The following TPRG1 variants were observed in gnomAD, a reference collection of about 807,000 sequenced individuals.
The protein encoded by TPRG1 is tumor protein p63 regulated 1, also known as tumor protein p63-regulated gene 1 protein.
A neutral mutation model predicts 29.3 loss-of-function variants in TPRG1; 29 were observed. The observed-to-expected ratio is 0.99, with a 90% CI of 0.74 to 1.35. TPRG1 has a LOEUF of 1.35. Ranked by LOEUF, TPRG1 falls within the 40% of genes most tolerant of loss-of-function variation. The pLI is 0.00. For missense variants in TPRG1, 327 were observed against 335.0 expected (o/e 0.98, Z 0.19); for synonymous variants, 130 against 116.8 (o/e 1.11, Z -0.73).
chr3:189,098,741 TTC>T (rs1718861339), upstream of TPRG1, among the ~76,000 whole-genome samples: 1 of 152,186 alleles, frequency 6.6e-6, no homozygotes, highest in Non-Finnish European at 1.5e-5. Flanking sequence ...CGCATTCTGA[TTC>T]TAAACTAATT....
At chr3:189,129,488 C>G (rs115401517) in intron 2 of TPRG1, among the ~76,000 whole-genome samples, 1 of 152,108 alleles carries the variant, frequency 6.6e-6, no homozygotes, top group Non-Finnish European at 1.5e-5. Flanking sequence ...GCTGTTTCCC[C>G]CTTTGTTATT....
intron 4 of TPRG1, among the ~76,000 whole-genome samples, chr3:189,091,591 G>A (rs370813886): frequency 6.4e-4 from 98 of 152,082 alleles, no homozygotes; most frequent in Middle Eastern, 3.4e-3. Context: ...GCAGTCTTTC[G>A]TAACATATAT....
chr3:189,267,416 A>T (rs751258666), intron 4 of TPRG1, among the ~76,000 whole-genome samples: 4 of 152,252 alleles, frequency 2.6e-5, no homozygotes, highest in Non-Finnish European at 5.9e-5. Flanking sequence ...GGGTAAATAT[A>T]TAGAAAACTA....
At chr3:189,177,531 C>T (rs1560517119) in intron 1 of TPRG1, among the ~76,000 whole-genome samples, 1 of 150,190 alleles carries the variant, frequency 6.7e-6, no homozygotes, top group African/African-American at 2.5e-5. Context: ...TATGTATATA[C>T]ATATATATAT....
exon 4 of TPRG1, chr3:189,023,830 G>T (rs990174595): frequency 1.3e-5 from 2 of 152,428 alleles, no homozygotes; most frequent in Non-Finnish European, 2.9e-5. Flanking sequence ...ACCAGTGAAA[G>T]CTCTGAAACA....
chr3:189,058,383 A>G (rs1007112095), intron 4 of TPRG1, among the ~76,000 whole-genome samples: 2 of 152,198 alleles, frequency 1.3e-5, no homozygotes, highest in Non-Finnish European at 2.9e-5. Flanking sequence ...GAAAGTCTCC[A>G]CAATTGTAGT....
At chr3:189,138,695 C>T (rs1340489985) in intron 3 of TPRG1, among the ~76,000 whole-genome samples, 6 of 152,212 alleles carry the variant, frequency 3.9e-5, no homozygotes. Flanking sequence ...CCACACTCAA[C>T]TGCAAGGGGT....
chr3:189,284,531 A>T (rs1173222372), intron 4 of TPRG1, among the ~76,000 whole-genome samples: 1 of 152,058 alleles, frequency 6.6e-6, no homozygotes, highest in Non-Finnish European at 1.5e-5. Context: ...AAAGGACGTG[A>T]ACTCATCATT....
At chr3:189,248,311 T>C (rs1741655898) in intron 4 of TPRG1, among the ~76,000 whole-genome samples, 1 of 151,868 alleles carries the variant, frequency 6.6e-6, no homozygotes, top group Non-Finnish European at 1.5e-5. Flanking sequence ...AAAGAGGTAA[T>C]TAAAGTAATA....
chr3:189,022,492 T>C (rs943294905), intron 3 of TPRG1, among the ~76,000 whole-genome samples: 1 of 151,484 alleles, frequency 6.6e-6, no homozygotes, highest in African/African-American at 2.4e-5. Flanking sequence ...TACCCTGCAG[T>C]GTGAGGTGTC....
rs981385916 is a variant in TPRG1, at chr3:189,322,983, C to T, written c.*2163C>T. ...AAAAACTGTCATATATAGGCTATCC[C>T]CTTAATTGATAAATGGGATCTAGAA... is the stretch of plus-strand genomic sequence containing the variant. On this transcript the variant is annotated 3_prime_UTR_variant, in exon 6 of 6. Transcript: ENST00000345063. The T allele has an allele frequency of 3.3e-5, 5 of 151,966 alleles. No individual in the cohort carries two copies. In the East Asian group the frequency reaches 9.7e-4, roughly 29 times the overall value. The allele number at this position is 151,966 out of a possible 1,614,324, so 9.4% of individuals were successfully genotyped here. A position where few individuals can be genotyped will look rare whatever the true frequency, so the allele number is the denominator to read the frequency against.
intron 4 of TPRG1, among the ~76,000 whole-genome samples, chr3:189,245,119 T>C (rs1042424423): frequency 6.6e-6 from 1 of 152,004 alleles, no homozygotes; most frequent in Non-Finnish European, 1.5e-5. Context: ...ATGGAGTTTC[T>C]CCATGTTGGT....
rs73184434 is a variant in TPRG1 at position 189,174,168 on chromosome 3, G to A, written c.-10+2037G>A. ...TTAATCTAATGGCAGCGTCAAGTCC[G>A]AGAATTCATTTACTCCAGAGCTTGC... On this transcript the variant is annotated intron_variant, in intron 1 of 5. Coordinates refer to ENST00000345063, the MANE Select transcript of TPRG1 (RefSeq NM_198485.4). 5.2e-3 allele frequency among the ~76,000 whole-genome samples: 797 copies of A among 152,308 alleles called. 2 individuals carry two copies. Among genetic ancestry groups the A allele is most frequent in the Non-Finnish European group, 9.1e-3 (617 of 68,032 alleles).
chr3:189,053,600 G>A (rs1715470865), intron 4 of TPRG1, among the ~76,000 whole-genome samples: 1 of 152,076 alleles, frequency 6.6e-6, no homozygotes, highest in Admixed American at 6.6e-5. Flanking sequence ...TTTCCCATAT[G>A]TGGTTACATT....
intron 4 of TPRG1, among the ~76,000 whole-genome samples, chr3:189,070,753 G>A (rs577960139): frequency 9.9e-5 from 15 of 152,232 alleles, no homozygotes; most frequent in South Asian, 2.1e-4. Context: ...TTACATTATT[G>A]AAAAGGAGAT....
At chr3:189,041,502 A>C (rs1294009853) in intron 4 of TPRG1, among the ~76,000 whole-genome samples, 1 of 152,182 alleles carries the variant, frequency 6.6e-6, no homozygotes, top group Non-Finnish European at 1.5e-5. Context: ...TTAAGTAAGC[A>C]CTCAATGTGT....
chr3:189,274,126 T>C (rs1008973552), intron 4 of TPRG1, among the ~76,000 whole-genome samples: 3 of 151,258 alleles, frequency 2.0e-5, no homozygotes, highest in Non-Finnish European at 4.4e-5. Flanking sequence ...TTTTTTTCAC[T>C]GATCCATGGA....
chr3:189,083,003 G>A (rs992113248), intron 4 of TPRG1, among the ~76,000 whole-genome samples: 3 of 152,100 alleles, frequency 2.0e-5, no homozygotes, highest in Admixed American at 2.0e-4. Context: ...AGCAGGACAA[G>A]AAAAAGGGAG....
intron 5 of TPRG1, among the ~76,000 whole-genome samples, chr3:189,160,116 G>A (rs1359444583): frequency 6.6e-6 from 1 of 152,076 alleles, no homozygotes. Context: ...AGCTGAGATG[G>A]GCTGCAGCCC....
Sources: gnomAD v4.1 joint callset for allele counts (sites outside exome capture counted in the v4.1 genomes callset) on GRCh38, gnomAD v4.1.1 for gene constraint, MANE v1.5 for transcripts, NCBI Gene and HGNC (gene_info 2026-07-23, HGNC 2026-07-21) for gene names.